The following PDGFRA variants were observed in gnomAD, a reference collection of about 807,000 sequenced individuals.
PDGFRA encodes the protein platelet-derived growth factor receptor alpha.
Under a neutral mutation model 121.5 loss-of-function variants are expected in PDGFRA, and 25 were observed. The ratio of observed to expected loss-of-function variants is 0.21; its 90% CI spans 0.15 to 0.29. The LOEUF is 0.29. Among genes scored for constraint, PDGFRA ranks in the 10% least tolerant of loss-of-function variants. The pLI is 1.00. For missense variants in PDGFRA, 1,008 were observed against 1,345.1 expected (o/e 0.75, Z 3.92); for synonymous variants, 463 against 494.8 (o/e 0.94, Z 0.85).
chr4:54,269,507 ACAC>A, intron 7 of PDGFRA, among the ~76,000 whole-genome samples: 1 of 91,472 alleles, frequency 1.1e-5, no homozygotes, highest in African/African-American at 4.8e-5. Flanking sequence ...ACATACATAC[ACAC>A]ACACACACAC....
intron 1 of PDGFRA, among the ~76,000 whole-genome samples, chr4:54,249,671 A>T (rs1214515850): frequency 6.6e-6 from 1 of 152,098 alleles, no homozygotes; most frequent in African/African-American, 2.4e-5. Flanking sequence ...CCTTTAGGAG[A>T]TATACCTCGT....
intron 3 of PDGFRA, 50 bp from the exon 4 acceptor site, chr4:54,263,617 A>G (rs771239662): frequency 1.3e-6 from 2 of 1,576,496 alleles, no homozygotes; most frequent in Non-Finnish European, 1.7e-6. Flanking sequence ...ATTTATGTGT[A>G]AAGGTGAAAT....
intron 3 of PDGFRA, among the ~76,000 whole-genome samples, chr4:54,262,985 A>G (rs1237294496): frequency 3.3e-5 from 5 of 152,164 alleles, no homozygotes. Flanking sequence ...TCTGCAGCTG[A>G]TGTTTGAGAC....
chr4:54,246,427 T>C (rs1254803691), intron 1 of PDGFRA, among the ~76,000 whole-genome samples: 1 of 152,122 alleles, frequency 6.6e-6, no homozygotes, highest in Admixed American at 6.5e-5. Flanking sequence ...TGAAAACTGC[T>C]CAACTACATG....
chr4:54,260,927 A>T (rs899948756), intron 2 of PDGFRA, among the ~76,000 whole-genome samples, 168 bp from the exon 3 acceptor site: 3 of 152,132 alleles, frequency 2.0e-5, no homozygotes, highest in Non-Finnish European at 1.5e-5. Flanking sequence ...CTCTCAGCAG[A>T]TGCAGTGGCT....
At chr4:54,244,208 G>C (rs1251458138) in intron 1 of PDGFRA, among the ~76,000 whole-genome samples, 1 of 152,224 alleles carries the variant, frequency 6.6e-6, no homozygotes, top group Non-Finnish European at 1.5e-5. Context: ...GCTTTGAAGA[G>C]AGCAGTGATT....
At chr4:54,245,687 T>C (rs1464056871) in intron 1 of PDGFRA, among the ~76,000 whole-genome samples, 51 of 152,240 alleles carry the variant, frequency 3.3e-4, no homozygotes, top group African/African-American at 1.2e-3. Flanking sequence ...AACATCATAA[T>C]GACAGGATCA....
chr4:54,264,858 C>G, intron 4 of PDGFRA, 61 bp from the exon 5 acceptor site: 4 of 1,159,068 alleles, frequency 3.5e-6, no homozygotes, highest in Non-Finnish European at 3.7e-6. Flanking sequence ...AAAACCCAAA[C>G]TTTATAAGAT....
chr4:54,230,907 T>A (rs1214188347), intron 1 of PDGFRA, among the ~76,000 whole-genome samples: 2 of 152,134 alleles, frequency 1.3e-5, no homozygotes, highest in South Asian at 4.1e-4. Context: ...TGGCATTGAA[T>A]ATGTGGGATC....
intron 1 of PDGFRA, among the ~76,000 whole-genome samples, chr4:54,243,947 A>C (rs1721463905): frequency 6.6e-6 from 1 of 152,136 alleles, no homozygotes; most frequent in Admixed American, 6.5e-5. Context: ...CTACGCCCAC[A>C]GAGTCTCGCT....
intron 16 of PDGFRA, among the ~76,000 whole-genome samples, chr4:54,282,391 A>G (rs1724125624): frequency 6.6e-6 from 1 of 152,210 alleles, no homozygotes; most frequent in East Asian, 1.9e-4. Flanking sequence ...ACATGGCCAG[A>G]GCAAGAGCAA....
At chr4:54,289,206 CAA>C in intron 21 of PDGFRA, 92 bp downstream of exon 21, 1 of 762,584 alleles carries the variant, frequency 1.3e-6, no homozygotes, top group Admixed American at 2.0e-5. Context: ...GGAGCATTTT[CAA>C]AAGAGGCAAA....
intron 10 of PDGFRA, 62 bp downstream of exon 10, chr4:54,273,792 T>A (rs777146428): frequency 2.1e-4 from 297 of 1,391,560 alleles, no homozygotes; most frequent in Non-Finnish European, 2.8e-4. Flanking sequence ...AGGCGGAACT[T>A]TGAATCCCAG....
chr4:54,233,384 C>G (rs531587675), intron 1 of PDGFRA, among the ~76,000 whole-genome samples: 49 of 152,340 alleles, frequency 3.2e-4, no homozygotes, highest in Admixed American at 5.9e-4. Context: ...GCGCAGCACT[C>G]CCGGCTGCGC....
At chr4:54,290,080 G>A (rs1724548451) in intron 21 of PDGFRA, among the ~76,000 whole-genome samples, 1 of 152,184 alleles carries the variant, frequency 6.6e-6, no homozygotes, top group African/African-American at 2.4e-5. Context: ...TTGGAGAAGG[G>A]GCTACTGGTA....
intron 1 of PDGFRA, among the ~76,000 whole-genome samples, chr4:54,245,825 C>T (rs1407335183): frequency 5.3e-5 from 7 of 133,138 alleles, no homozygotes; most frequent in Admixed American, 2.3e-4. Context: ...ACCCATCTCA[C>T]GTGCAGAGAC....
At chr4:54,238,740 A>G (rs1358841516) in intron 1 of PDGFRA, among the ~76,000 whole-genome samples, 1 of 152,184 alleles carries the variant, frequency 6.6e-6, no homozygotes, top group African/African-American at 2.4e-5. Context: ...CCAAGGCAGG[A>G]AGATTGCTTG....
In PDGFRA at chr4:54,261,385, G is replaced by T; in HGVS notation, c.340G>T (p.Gly114Cys). ...TCAGACAGAAGAGAATGAGCTTGAA[G>T]GCAGGCACATTTACATCTATGTGCC... ...HTQTEENELE[G>C]RHIYIYVPDP... The change falls in exon 3 of 23, where the codon GGC (glycine) becomes TGC (cysteine). Residue 114 changes from glycine to cysteine, a missense_variant. Coordinates refer to ENST00000257290, the MANE Select transcript of PDGFRA (RefSeq NM_006206.6). The T allele has an allele frequency of 6.2e-7, 1 of 1,614,050 alleles. No homozygotes were observed. Among genetic ancestry groups the T allele is most frequent in the South Asian group, 1.1e-5 (1 of 91,078 alleles).
intron 16 of PDGFRA, among the ~76,000 whole-genome samples, chr4:54,284,746 G>T (rs1451047288): frequency 1.3e-5 from 2 of 152,010 alleles, no homozygotes; most frequent in Non-Finnish European, 2.9e-5. Flanking sequence ...CAATACTGGG[G>T]ATTACACTTC....
Sources: gnomAD v4.1 joint callset for allele counts (sites outside exome capture counted in the v4.1 genomes callset) on GRCh38, gnomAD v4.1.1 for gene constraint, MANE v1.5 for transcripts, NCBI Gene and HGNC (gene_info 2026-07-23, HGNC 2026-07-21) for gene names.